PNMA6E: variants seen among roughly 807,000 people sequenced by gnomAD.
PNMA6E encodes the protein paraneoplastic antigen Ma6E.
For missense variants in PNMA6E, 78 were observed against 50.8 expected (o/e 1.53, Z -1.63); for synonymous variants, 43 against 17.1 (o/e 2.52, Z -3.74).
At position 153,397,854 on chromosome X, in the gene PNMA6E, G is replaced by A. The variant is rs112919414; in HGVS notation, c.996C>T (p.Cys332=). ...CCCAGCTCTCAAAGGACTCTTCCTC[G>A]CAGCCTGGCTGCTCCCTCCTGGAAA... The part of the protein sequence containing the change: ...RPFSRREQPG[C]EEESFESWVE... The change falls in exon 2 of 2, where the codon TGC becomes TGT. Residue 332 remains cysteine (C), a synonymous_variant. Transcript: ENST00000445091. 5.2e-4 allele frequency: 170 copies of A among 328,853 alleles called. 1 individual carries two copies. Among genetic ancestry groups the A allele is most frequent in the African/African-American group, 3.1e-3 (118 of 37,842 alleles). 27.1% of individuals were successfully genotyped at this position (328,853 alleles called of 1,213,427 possible). A position where few individuals can be genotyped will look rare whatever the true frequency, so the allele number is the denominator to read the frequency against.
At chrX:153,402,565 C>G (rs1170209382), upstream of PNMA6E, among the ~76,000 whole-genome samples, 4 of 111,975 alleles carry the variant, frequency 3.6e-5, no homozygotes, top group Non-Finnish European at 3.8e-5. Flanking sequence ...TTACCTTAAA[C>G]TGTCATGTGT....
chrX:153,411,561 C>T, the PNMA6E span, among the ~76,000 whole-genome samples: 2 of 112,886 alleles, frequency 1.8e-5, no homozygotes, highest in Admixed American at 9.2e-5. Context: ...GAAGTCGAGA[C>T]AAGCCCAGGA....
the PNMA6E span, among the ~76,000 whole-genome samples, chrX:153,408,516 T>C: frequency 2.7e-5 from 3 of 112,477 alleles, no homozygotes; most frequent in African/African-American, 9.7e-5. Context: ...ACTCCGACCC[T>C]TCTGCAGGGT....
the PNMA6E span, among the ~76,000 whole-genome samples, chrX:153,407,956 A>G: frequency 2.7e-5 from 3 of 112,969 alleles, no homozygotes; most frequent in East Asian, 8.4e-4. Flanking sequence ...TCTAGCACAC[A>G]GGCAGCAGCC....
At chrX:153,411,787 G>A in the PNMA6E span, among the ~76,000 whole-genome samples, 12 of 112,610 alleles carry the variant, frequency 1.1e-4, 1 homozygote, top group South Asian at 4.4e-3. Context: ...CGAGGGGGAC[G>A]AGGGAGCTGC....
chrX:153,397,922 G>T lies in PNMA6E; in HGVS notation c.928C>A (p.Gln310Lys), dbSNP rs1395280391. The T allele has an allele frequency of 2.6e-6, 1 of 378,125 alleles. No individual in the cohort carries two copies. The highest frequency in any genetic ancestry group is 2.6e-5 in the African/African-American group (1 of 38,965). The allele number at this position is 378,125 out of a possible 1,213,427, so 31.2% of individuals were successfully genotyped here. A position where few individuals can be genotyped will look rare whatever the true frequency, so the allele number is the denominator to read the frequency against. ...AWVQPWRCTL[Q>K]PVLENRAYRE... ...TAGGCCCTGTTTTCCAGCACAGGCT[G>T]TAGGGTGCAGCGCCAAGGCTGGACC... The change falls in exon 2 of 2, where the codon CAG becomes AAG. Residue 310 changes from glutamine (Q) to lysine (K), a missense_variant. Transcript: ENST00000445091.
upstream of PNMA6E, among the ~76,000 whole-genome samples, chrX:153,402,841 C>T (rs2088860387): frequency 8.9e-6 from 1 of 112,386 alleles, no homozygotes; most frequent in African/African-American, 3.2e-5. Context: ...TTTCTTCTCT[C>T]TCACCACTTT....
chrX:153,398,273 C>A lies in PNMA6E; in HGVS notation c.577G>T (p.Ala193Ser). The A allele has an allele frequency of 2.2e-6, 1 of 444,532 alleles. No individual in the cohort carries two copies. The highest frequency in any genetic ancestry group is 3.5e-5 in the Admixed American group (1 of 28,424). The allele number at this position is 444,532 out of a possible 1,213,427, so 36.6% of individuals were successfully genotyped here. ...TCACCTGCGCCTCCTGCCTCACCTG[C>A]TGCTCCTCCCTCACCTGCTGCTCCT... ...EAGAAGEGGA[A>S]GEAGGAGEAG... The change falls in exon 2 of 2, where the codon GCA (alanine) becomes TCA (serine). Residue 193 changes from alanine (A) to serine (S), a missense_variant. By Grantham distance (99) the Ala-to-Ser change is moderately conservative (BLOSUM62 1). Coordinates refer to ENST00000445091, the MANE Select transcript of PNMA6E (RefSeq NM_001367770.1).
At chrX:153,412,693 C>T in the PNMA6E span, among the ~76,000 whole-genome samples, 358 of 111,688 alleles carry the variant, frequency 3.2e-3, no homozygotes, top group African/African-American at 0.011. Context: ...GGTGGCCTGG[C>T]TCAAGGGAGC....
In PNMA6E at chrX:153,397,412, C is replaced by A; in HGVS notation, c.1438G>T (p.Gly480Cys). The A allele has an allele frequency of 3.4e-6, 1 of 298,335 alleles. No homozygotes were observed. 24.6% of individuals were successfully genotyped at this position (298,335 alleles called of 1,213,427 possible). ...ATGAGCCGGAGCAGCCCCAGGAAGCCAGGTGGCCTCTTCTCCAGCTGCATC... is the reference window on the plus strand; with the variant it reads ...ATGAGCCGGAGCAGCCCCAGGAAGCAAGGTGGCCTCTTCTCCAGCTGCATC... ...RGMQLEKRPP[G>C]FLGLLRLIRE... The change falls in exon 2 of 2, where the codon GGC becomes TGC. Residue 480 changes from glycine (G) to cysteine (C), a missense_variant. Gly to Cys is a radical substitution (Grantham distance 159). Coordinates refer to ENST00000445091, the MANE Select transcript of PNMA6E (RefSeq NM_001367770.1).
At chrX:153,413,720 C>A in the PNMA6E span, among the ~76,000 whole-genome samples, 1 of 112,061 alleles carries the variant, frequency 8.9e-6, no homozygotes, top group African/African-American at 3.2e-5. Flanking sequence ...CCGCCAGGTG[C>A]CTTCCAGGTG....
rs2124270462 is a variant in PNMA6E at position 153,398,477 on chromosome X, C to G, written c.373G>C (p.Gly125Arg). The G allele has an allele frequency of 4.9e-6, 2 of 411,231 alleles. No individual in the cohort carries two copies. The highest frequency in any genetic ancestry group is 7.9e-5 in the East Asian group (2 of 25,459). 33.9% of individuals were successfully genotyped at this position (411,231 alleles called of 1,213,427 possible). Residue 125 changes from glycine to arginine, a missense_variant, in exon 2 of 2, where the codon GGA becomes CGA. Coordinates refer to ENST00000445091, the MANE Select transcript of PNMA6E (RefSeq NM_001367770.1). ...QAVAKAAGEGGGAGEAGGVGE... is the reference protein window; with the variant it reads ...QAVAKAAGEGRGAGEAGGVGE... ...ACACCTCCTGCCTCACCTGCGCCTC[C>G]TCCCTCACCTGCAGCTTTTGCTACT... is the stretch of plus-strand genomic sequence containing the variant.
Position 153,396,878 on chromosome X carries a change from G to C in PNMA6E, c.*28C>G, listed in dbSNP as rs1602870727. ...GCCTCCAAGGCGCTGCTGCCTGAGA[G>C]GAGAGGAGGCCCCGGGGCCCTAGGA... On this transcript the variant is annotated 3_prime_UTR_variant, in exon 2 of 2. Coordinates refer to ENST00000445091, the MANE Select transcript of PNMA6E (RefSeq NM_001367770.1). The C allele has an allele frequency of 1.1e-4, 33 of 296,651 alleles. No individual in the cohort carries two copies. In the East Asian group the frequency reaches 1.6e-3, roughly 14 times the overall value. 24.4% of individuals were successfully genotyped at this position (296,651 alleles called of 1,213,427 possible).
At chrX:153,406,186 G>A (rs1268562867), upstream of PNMA6E, among the ~76,000 whole-genome samples, 1 of 112,700 alleles carries the variant, frequency 8.9e-6, no homozygotes, top group Admixed American at 9.4e-5. Context: ...TCCTGAGCCC[G>A]GGGAGGGGAG....
chrX:153,401,813 C>G (rs1473823190), upstream of PNMA6E, among the ~76,000 whole-genome samples: 1 of 94,903 alleles, frequency 1.1e-5, no homozygotes, highest in African/African-American at 3.9e-5. Context: ...TAGACTGAGT[C>G]TTGTTCTGTC....
At chrX:153,404,075 T>C (rs1290678686), upstream of PNMA6E, 1 of 98,778 alleles carries the variant, frequency 1.0e-5, no homozygotes, top group Non-Finnish European at 2.0e-5. Flanking sequence ...CCTCCCAGGC[T>C]CAAGCAATCC....
In PNMA6E at chrX:153,396,758, G is replaced by T. The variant is rs936477971; in HGVS notation, c.*148C>A. 43 of 294,069 alleles carry T rather than the reference G, an allele frequency of 1.5e-4. No homozygotes were observed. The highest frequency in any genetic ancestry group is 1.1e-3 in the African/African-American group (39 of 36,577). The allele number at this position is 294,069 out of a possible 1,213,427, so 24.2% of individuals were successfully genotyped here. ...ACGTGGTCATCCGGGTCACAGGGAA[G>T]GAATGGGGGTGGTGGCCAGAGCCCC... On this transcript the variant is annotated 3_prime_UTR_variant, in exon 2 of 2. Coordinates refer to ENST00000445091, the MANE Select transcript of PNMA6E (RefSeq NM_001367770.1).
Position 153,396,201 on chromosome X carries a change from G to C in PNMA6E, c.*705C>G, listed in dbSNP as rs1556970184. ...CTCCGGGGAGAGGCTGCTCAGAGAAGAACACACGCAGCTCCACGAGAACAA... is the reference window on the plus strand; with the variant it reads ...CTCCGGGGAGAGGCTGCTCAGAGAACAACACACGCAGCTCCACGAGAACAA... On this transcript the variant is annotated 3_prime_UTR_variant, in exon 2 of 2. Transcript: ENST00000445091. The C allele has an allele frequency of 8.2e-6, 1 of 122,542 alleles. No homozygotes were observed. Among genetic ancestry groups the C allele is most frequent in the African/African-American group, 3.3e-5 (1 of 30,704 alleles). 10.1% of individuals were successfully genotyped at this position (122,542 alleles called of 1,213,427 possible).
chrX:153,406,921 C>G, the PNMA6E span, among the ~76,000 whole-genome samples: 19 of 111,966 alleles, frequency 1.7e-4, no homozygotes, highest in African/African-American at 6.2e-4. Flanking sequence ...AACCAGACAC[C>G]GTGAATGATG....
Sources: allele counts gnomAD v4.1 joint callset (sites outside exome capture counted in the v4.1 genomes callset), GRCh38; gene constraint gnomAD v4.1.1; transcripts MANE v1.5; gene names NCBI Gene and HGNC (gene_info 2026-07-23, HGNC 2026-07-21).